Variants in PTPRK observed in about 807,000 individuals in gnomAD.
The protein encoded by PTPRK is protein tyrosine phosphatase receptor type K.
Under a neutral mutation model 178.0 loss-of-function variants are expected in PTPRK, and 75 were observed. The ratio of observed to expected loss-of-function variants is 0.42; its 90% CI spans 0.35 to 0.51. The LOEUF is 0.51. Among genes scored for constraint, PTPRK ranks in the 20% least tolerant of loss-of-function variants. PTPRK has a pLI of 0.02. For missense variants in PTPRK, 1,441 were observed against 1,797.8 expected (o/e 0.80, Z 3.59); for synonymous variants, 637 against 620.6 (o/e 1.03, Z -0.39).
At chr6:128,469,919 C>T (rs527864676) in intron 1 of PTPRK, among the ~76,000 whole-genome samples, 1 of 152,264 alleles carries the variant, frequency 6.6e-6, no homozygotes, top group East Asian at 1.9e-4. Flanking sequence ...AATGGATCTT[C>T]CCCTACAGAC....
At chr6:128,419,172 G>A (rs1314090911) in intron 1 of PTPRK, among the ~76,000 whole-genome samples, 2 of 152,184 alleles carry the variant, frequency 1.3e-5, no homozygotes, top group East Asian at 3.8e-4. Context: ...AGAGCTGTAA[G>A]GAAAACACTT....
At chr6:128,003,328 T>C (rs1287685808) in intron 15 of PTPRK, 3 of 1,190,036 alleles carry the variant, frequency 2.5e-6, no homozygotes, top group African/African-American at 1.5e-5. Context: ...TCTTAAGAAA[T>C]ATAATTATTA....
At chr6:128,051,522 G>A (rs1389208384) in intron 13 of PTPRK, among the ~76,000 whole-genome samples, 1 of 152,110 alleles carries the variant, frequency 6.6e-6, no homozygotes, top group Admixed American at 6.5e-5. Context: ...AGCTTTCCAT[G>A]CTGCTTAAAA....
At chr6:128,216,408 A>G (rs1211557134) in intron 6 of PTPRK, among the ~76,000 whole-genome samples, 14 of 151,930 alleles carry the variant, frequency 9.2e-5, no homozygotes, top group Non-Finnish European at 1.8e-4. Flanking sequence ...GGTGGCACAC[A>G]TCTGTAGTCT....
intron 6 of PTPRK, among the ~76,000 whole-genome samples, chr6:128,187,402 A>C (rs1032093790): frequency 2.0e-5 from 3 of 152,168 alleles, no homozygotes; most frequent in African/African-American, 7.2e-5. Flanking sequence ...ATGCTTACAC[A>C]TTAATAGCTG....
intron 3 of PTPRK, among the ~76,000 whole-genome samples, chr6:128,305,844 T>G (rs940661815): frequency 7.9e-5 from 12 of 152,234 alleles, no homozygotes; most frequent in Non-Finnish European, 1.8e-4. Flanking sequence ...CAGTATTTAT[T>G]AATTATGTGT....
At chr6:128,001,331 G>T in intron 15 of PTPRK, 1 of 587,830 alleles carries the variant, frequency 1.7e-6, no homozygotes, top group Non-Finnish European at 2.8e-6. Flanking sequence ...TTCAGAAACT[G>T]CATTATAAAT....
chr6:128,305,245 C>T (rs1826205611), intron 3 of PTPRK, among the ~76,000 whole-genome samples: 1 of 152,196 alleles, frequency 6.6e-6, no homozygotes, highest in Admixed American at 6.5e-5. Context: ...ATAGAGGTGG[C>T]TTCAACCAGA....
At chr6:128,031,284 T>C (rs909964155) in intron 13 of PTPRK, among the ~76,000 whole-genome samples, 1 of 152,220 alleles carries the variant, frequency 6.6e-6, no homozygotes, top group African/African-American at 2.4e-5. Flanking sequence ...GACTGCTTTG[T>C]AGAACCCAGG....
intron 8 of PTPRK, among the ~76,000 whole-genome samples, chr6:128,089,369 T>C (rs1461107754): frequency 2.6e-5 from 4 of 152,228 alleles, no homozygotes; most frequent in Admixed American, 1.3e-4. Flanking sequence ...CAATAGGCAA[T>C]TGATATAGTG....
At chr6:128,086,371 T>C (rs1187012156) in intron 8 of PTPRK, among the ~76,000 whole-genome samples, 1 of 152,144 alleles carries the variant, frequency 6.6e-6, no homozygotes, top group East Asian at 1.9e-4. Context: ...ATTTTTTGAA[T>C]GCTGGAATAA....
intron 11 of PTPRK, among the ~76,000 whole-genome samples, chr6:128,069,911 G>C (rs1782527511): frequency 6.6e-6 from 1 of 152,066 alleles, no homozygotes; most frequent in Non-Finnish European, 1.5e-5. Flanking sequence ...GGCTCTTTGG[G>C]AAAGAGCCTT....
intron 3 of PTPRK, among the ~76,000 whole-genome samples, chr6:128,296,407 C>G (rs947652071): frequency 6.6e-6 from 1 of 152,044 alleles, no homozygotes; most frequent in Non-Finnish European, 1.5e-5. Flanking sequence ...AGAGCAACTC[C>G]AAGACACATA....
At chr6:128,210,216 T>A (rs1807853187) in intron 6 of PTPRK, among the ~76,000 whole-genome samples, 2 of 152,024 alleles carry the variant, frequency 1.3e-5, no homozygotes, top group South Asian at 4.2e-4. Context: ...TATATACATA[T>A]TACAAACAAA....
rs1386357136 is a variant in PTPRK, at chr6:128,046,666, GC to G, written c.2194+18091del. On this transcript the variant is annotated intron_variant, in intron 13 of 29. Transcript: ENST00000368226. ...TAAGACTAGGATTTCAGGCCCTGAAGCCCATTTAAATATAGATTTTTTTAAA... is the reference window on the plus strand; with the variant it reads ...TAAGACTAGGATTTCAGGCCCTGAAGCCATTTAAATATAGATTTTTTTAAA... 2.6e-5 allele frequency among the ~76,000 whole-genome samples: 4 copies of G among 152,140 alleles called. No homozygotes were observed. The East Asian group carries it at 7.7e-4, about 29-fold the overall frequency.
At chr6:127,978,915 T>C (rs1460945470) in intron 25 of PTPRK, among the ~76,000 whole-genome samples, 1 of 152,210 alleles carries the variant, frequency 6.6e-6, no homozygotes, top group East Asian at 1.9e-4. Context: ...CCTGTTCTTG[T>C]AAATCAAACC....
rs544756910 is a variant in PTPRK at position 128,064,783 on chromosome 6, G to T, written c.2169C>A (p.Thr723=). The change falls in exon 13 of 30, where the codon ACC becomes ACA. Residue 723 remains threonine, a synonymous_variant. Transcript: ENST00000368226. ...CTTTTGTAGCAATGCGTACGCACTG[G>T]GTTTTAGTTTCCTGATAGAGTAAAA... ...AMSSVEKETK[T]QCVRIATKAA... 2 of 1,584,788 alleles carry T rather than the reference G, an allele frequency of 1.3e-6. No individual in the cohort carries two copies. Among genetic ancestry groups the T allele is most frequent in the East Asian group, 4.6e-5 (2 of 43,844 alleles).
intron 3 of PTPRK, among the ~76,000 whole-genome samples, chr6:128,288,207 G>A (rs1298993311): frequency 6.6e-6 from 1 of 152,100 alleles, no homozygotes; most frequent in Non-Finnish European, 1.5e-5. Flanking sequence ...TCTCATTTTG[G>A]GGGTTCTTTG....
rs1782019135 is a variant in PTPRK at position 128,067,508 on chromosome 6, A to T, written c.2157+11T>A. 1 of 1,469,912 alleles carries T rather than the reference A, an allele frequency of 6.8e-7. No homozygotes were observed. Among genetic ancestry groups the T allele is most frequent in the Non-Finnish European group, 9.1e-7 (1 of 1,101,330 alleles). 91.1% of individuals were successfully genotyped at this position (1,469,912 alleles called of 1,614,324 possible). A position where few individuals can be genotyped will look rare whatever the true frequency, so the allele number is the denominator to read the frequency against. On this transcript the variant is annotated intron_variant, in intron 12 of 29. Transcript: ENST00000368226. Reference sequence around the variant, plus strand: ...AAAGCAGGGAAAAAGCAAATCCTGGAGGAAGCTCACCTTCTCCACACTGCT... The same window carrying T: ...AAAGCAGGGAAAAAGCAAATCCTGGTGGAAGCTCACCTTCTCCACACTGCT...
Sources: gnomAD v4.1 joint callset for allele counts (sites outside exome capture counted in the v4.1 genomes callset) on GRCh38, gnomAD v4.1.1 for gene constraint, MANE v1.5 for transcripts, NCBI Gene and HGNC (gene_info 2026-07-23, HGNC 2026-07-21) for gene names.